Variants in CCDC125 observed in about 807,000 individuals in gnomAD.
The protein encoded by CCDC125 is coiled-coil domain-containing protein 125.
In CCDC125, 43 loss-of-function variants were observed where a neutral mutation model predicts 57.4. That is an observed-to-expected ratio of 0.75 (90% CI 0.59 to 0.97). CCDC125 has a LOEUF of 0.97. Ranked by LOEUF, CCDC125 falls within the 50% of genes least tolerant of loss-of-function variation. The pLI, the probability that CCDC125 is intolerant of heterozygous loss-of-function variation, is 0.00. For synonymous variants in CCDC125, 187 were observed against 195.2 expected (o/e 0.96, Z 0.35); for missense variants, 563 against 595.7 (o/e 0.95, Z 0.57).
intron 1 of CCDC125, among the ~76,000 whole-genome samples, chr5:69,329,572 C>T (rs913870780): frequency 5.5e-5 from 8 of 144,372 alleles, no homozygotes; most frequent in East Asian, 4.4e-4. Context: ...GGCGTGATCA[C>T]GGCTCACTGC....
chr5:69,328,228 G>GT (rs1760971162), intron 1 of CCDC125, among the ~76,000 whole-genome samples: 2 of 152,076 alleles, frequency 1.3e-5, no homozygotes, highest in African/African-American at 4.8e-5. Flanking sequence ...ATTAAAATGA[G>GT]TCTGTATTTA....
At chr5:69,285,731 C>G (rs1167477613) in intron 10 of CCDC125, among the ~76,000 whole-genome samples, 1 of 152,200 alleles carries the variant, frequency 6.6e-6, no homozygotes, top group African/African-American at 2.4e-5. Flanking sequence ...TGGATCATCA[C>G]AGTCTTCAAG....
intron 8 of CCDC125, among the ~76,000 whole-genome samples, chr5:69,295,573 G>GACC (rs1755173629): frequency 6.6e-6 from 1 of 152,164 alleles, no homozygotes; most frequent in South Asian, 2.1e-4. Flanking sequence ...GAGGAGGAGA[G>GACC]ACCAGAGACC....
At chr5:69,285,123 C>CAAACAA (rs1554070773) in intron 11 of CCDC125, among the ~76,000 whole-genome samples, 1 of 151,104 alleles carries the variant, frequency 6.6e-6, no homozygotes, top group Non-Finnish European at 1.5e-5. Context: ...AACCAAAAAA[C>CAAACAA]AAACAAAACA....
At chr5:69,313,920 G>C (rs1758575240) in intron 3 of CCDC125, 65 bp downstream of exon 3, 2 of 1,163,442 alleles carry the variant, frequency 1.7e-6, no homozygotes, top group Non-Finnish European at 2.6e-6. Context: ...CAGAAGACGA[G>C]AGCACTGCAG....
intron 10 of CCDC125, 148 bp downstream of exon 10, chr5:69,292,040 T>C (rs1754541172): frequency 5.9e-6 from 4 of 676,662 alleles, no homozygotes; most frequent in Non-Finnish European, 9.7e-6. Context: ...TTTTTTTCCA[T>C]AGTTGCTAAG....
In CCDC125 at chr5:69,292,239, T is replaced by C. The variant is rs1472364497; in HGVS notation, c.1048A>G (p.Met350Val). The change falls in exon 10 of 12, where the codon ATG becomes GTG. Residue 350 changes from methionine to valine, a missense_variant. Transcript: ENST00000396496. ...QALQLTQMDK[M>V]HKKATKWMNW... ...ATCCATTTTGTTGCTTTTTTATGCA[T>C]TTTATCCATTTGTGTCAATTGTAGT... 1 of 1,613,794 alleles carries C rather than the reference T, an allele frequency of 6.2e-7. No individual in the cohort carries two copies. Among genetic ancestry groups the C allele is most frequent in the Admixed American group, 1.7e-5 (1 of 60,000 alleles).
intron 2 of CCDC125, 52 bp downstream of exon 2, chr5:69,320,185 C>T: frequency 6.9e-7 from 1 of 1,456,608 alleles, no homozygotes; most frequent in East Asian, 2.3e-5. Flanking sequence ...AGGGTTATAG[C>T]TTTGATACTA....
chr5:69,277,172 T>C (rs1752242907), downstream of CCDC125: 1 of 1,523,738 alleles, frequency 6.6e-7, no homozygotes, highest in East Asian at 2.3e-5. Context: ...CTGAGGGAAA[T>C]AGCCAAAAAG....
intron 1 of CCDC125, among the ~76,000 whole-genome samples, chr5:69,328,486 AAAAAT>A (rs1761001387): frequency 6.6e-6 from 1 of 151,946 alleles, no homozygotes; most frequent in African/African-American, 2.4e-5. Flanking sequence ...CTCAAAAAAT[AAAAAT>A]AAAATAAAAA....
Position 69,320,411 on chromosome 5 carries a change from A to C in CCDC125, c.130T>G (p.Phe44Val). Residue 44 changes from phenylalanine to valine, a missense_variant, in exon 2 of 12, where the codon TTT becomes GTT. Transcript: ENST00000396496. ...GATCTTTTTCTAGACCTATGTGAAA[A>C]TTCTATTTCATAAATCCCACCAGGT... is the stretch of plus-strand genomic sequence containing the variant. Reference protein sequence around the residue: ...RKPGGIYEIEFSHRSRKRSDG... With the variant: ...RKPGGIYEIEVSHRSRKRSDG... 1 of 1,614,078 alleles carries C rather than the reference A, an allele frequency of 6.2e-7. No individual in the cohort carries two copies.
chr5:69,287,577 T>G (rs1213014562), intron 10 of CCDC125, among the ~76,000 whole-genome samples: 2 of 149,110 alleles, frequency 1.3e-5, no homozygotes, highest in Admixed American at 6.7e-5. Context: ...TTTTGGTGGT[T>G]TTTTTTTTTT....
At chr5:69,273,358 G>A in the CCDC125 span, among the ~76,000 whole-genome samples, 1 of 152,036 alleles carries the variant, frequency 6.6e-6, no homozygotes, top group Non-Finnish European at 1.5e-5. Flanking sequence ...CTTTTTATTT[G>A]TTAAGAAACT....
intron 1 of CCDC125, among the ~76,000 whole-genome samples, chr5:69,326,654 T>C (rs1261912168): frequency 6.6e-6 from 1 of 152,164 alleles, no homozygotes; most frequent in East Asian, 1.9e-4. Context: ...ATGCACCACA[T>C]AAATTCAGGC....
intron 8 of CCDC125, among the ~76,000 whole-genome samples, chr5:69,298,617 C>T (rs1006438529): frequency 1.3e-5 from 2 of 152,088 alleles, no homozygotes; most frequent in South Asian, 2.1e-4. Context: ...CAACGGGTTG[C>T]GGCCAGGACC....
chr5:69,321,930 G>A (rs776693394), intron 1 of CCDC125, among the ~76,000 whole-genome samples: 2 of 151,984 alleles, frequency 1.3e-5, no homozygotes, highest in Admixed American at 6.6e-5. Context: ...TCCGCCTCCC[G>A]GGTTCAAGCG....
In CCDC125 at chr5:69,280,602, T is replaced by C. The variant is rs1752416819; in HGVS notation, c.*2127A>G. 1 of 152,226 alleles carries C rather than the reference T, an allele frequency of 6.6e-6. No individual in the cohort carries two copies. Among genetic ancestry groups the C allele is most frequent in the South Asian group, 2.1e-4 (1 of 4,830 alleles). 9.4% of individuals were successfully genotyped at this position (152,226 alleles called of 1,614,324 possible). On this transcript the variant is annotated 3_prime_UTR_variant, in exon 12 of 12. Transcript: ENST00000396496. Reference sequence around the variant, plus strand: ...CACCTAACTTTCAAAATACTCCTTTTCTTTTGCAATAAATTATGCTGCATC... The same window carrying C: ...CACCTAACTTTCAAAATACTCCTTTCCTTTTGCAATAAATTATGCTGCATC...
rs1306371107 is a variant in CCDC125, at chr5:69,282,651, G to A, written c.*78C>T. The A allele has an allele frequency of 8.1e-7, 1 of 1,236,982 alleles. No individual in the cohort carries two copies. 76.6% of individuals were successfully genotyped at this position (1,236,982 alleles called of 1,614,324 possible). ...TAGGAAACATACAACTTCTCAAGAT[G>A]CAGCAAAATTTACAAAATCATTTTT... is the stretch of plus-strand genomic sequence containing the variant. On this transcript the variant is annotated 3_prime_UTR_variant, in exon 12 of 12. Coordinates refer to ENST00000396496, the MANE Select transcript of CCDC125 (RefSeq NM_176816.5).
At chr5:69,277,092 CT>C (rs1384652732), downstream of CCDC125, 2 of 1,571,856 alleles carry the variant, frequency 1.3e-6, no homozygotes, top group East Asian at 2.3e-5. Context: ...TTTTCTTGTT[CT>C]TTTTGCTTCC....
Sources: gnomAD v4.1 joint callset for allele counts (sites outside exome capture counted in the v4.1 genomes callset) on GRCh38, gnomAD v4.1.1 for gene constraint, MANE v1.5 for transcripts, NCBI Gene and HGNC (gene_info 2026-07-23, HGNC 2026-07-21) for gene names.